The following IFNAR2 variants were observed in gnomAD, a reference collection of about 807,000 sequenced individuals.
IFNAR2 encodes the protein interferon alpha/beta receptor 2.
IFNAR2 carries 30 observed loss-of-function variants against 49.4 expected under a neutral mutation model. The observed-to-expected ratio is 0.61, with a 90% CI of 0.45 to 0.82. IFNAR2 has a LOEUF of 0.82. Ranked by LOEUF, IFNAR2 falls within the 40% of genes least tolerant of loss-of-function variation. The probability of loss-of-function intolerance (pLI) is 0.00; values close to 1 mark genes in which losing one functional copy is unlikely to be tolerated. For synonymous variants in IFNAR2, 224 were observed against 234.5 expected, an observed-to-expected ratio of 0.96 and a Z score of 0.41; for missense variants, 600 against 622.7, an observed-to-expected ratio of 0.96 and a Z score of 0.39.
intron 1 of IFNAR2, among the ~76,000 whole-genome samples, chr21:33,238,457 C>T (rs1014566354): frequency 6.6e-6 from 1 of 152,050 alleles, no homozygotes; most frequent in Admixed American, 6.6e-5. Context: ...TGCCCACAAT[C>T]TATAGGTCTT....
intron 7 of IFNAR2, among the ~76,000 whole-genome samples, chr21:33,257,932 C>T (rs1289529899): frequency 6.6e-6 from 1 of 152,122 alleles, no homozygotes; most frequent in East Asian, 1.9e-4. Flanking sequence ...AATAATGGCC[C>T]CCAAAGATGT....
chr21:33,237,079 G>A (rs13047324), intron 1 of IFNAR2, among the ~76,000 whole-genome samples: 47 of 17,812 alleles, frequency 2.6e-3, no homozygotes, highest in African/African-American at 8.2e-3. Flanking sequence ...GGAGAATGGG[G>A]TGTGTGTGTG....
chr21:33,246,969 C>T, intron 5 of IFNAR2, 79 bp downstream of exon 5: 5 of 1,279,958 alleles, frequency 3.9e-6, no homozygotes, highest in Non-Finnish European at 5.5e-6. Context: ...AATAGGAGGT[C>T]TACAAAGGTG....
chr21:33,230,013 C>T lies in IFNAR2; in HGVS notation c.-287C>T, dbSNP rs1457703152. ...GCTTCTTCCCGGCGGGTAGGAATCC[C>T]GCCGGCGAGCCGAACAGTTCCCCGA... is the stretch of plus-strand genomic sequence containing the variant. On this transcript the variant is annotated 5_prime_UTR_variant, in exon 1 of 9. Coordinates refer to ENST00000342136, the MANE Select transcript of IFNAR2 (RefSeq NM_001289125.3). The surrounding 1 kb of genome is among the most constrained non-coding windows in gnomAD (Gnocchi z 5.5). The T allele has an allele frequency of 7.1e-6, 7 of 984,920 alleles. No individual in the cohort carries two copies. Among genetic ancestry groups the T allele is most frequent in the Non-Finnish European group, 8.4e-6 (7 of 829,758 alleles). 61.0% of individuals were successfully genotyped at this position (984,920 alleles called of 1,614,324 possible).
In IFNAR2 at chr21:33,262,964, A is replaced by G. The variant is rs750265484; in HGVS notation, c.1012A>G (p.Thr338Ala). Residue 338 changes from threonine (T) to alanine (A), a missense_variant, in exon 9 of 9, where the codon ACC (threonine) becomes GCC (alanine). By Grantham distance (58) the Thr-to-Ala change is moderately conservative (BLOSUM62 0). Transcript: ENST00000342136. Reference protein sequence around the residue: ...AAPRTSGGGYTMHGLTVRPLG... With the variant: ...AAPRTSGGGYAMHGLTVRPLG... ...GCCCAGGACAAGTGGCGGTGGCTATACCATGCATGGACTGACTGTCAGGCC... is the reference window on the plus strand; with the variant it reads ...GCCCAGGACAAGTGGCGGTGGCTATGCCATGCATGGACTGACTGTCAGGCC... 5 of 1,614,044 alleles carry G rather than the reference A, an allele frequency of 3.1e-6. No individual in the cohort carries two copies. Among genetic ancestry groups the G allele is most frequent in the Non-Finnish European group, 4.2e-6 (5 of 1,180,032 alleles).
chr21:33,263,298 TATCGTCTC>T lies in IFNAR2; in HGVS notation c.1350_1357del (p.Ser451GlyfsTer5). 2 of 1,614,218 alleles carry T rather than the reference TATCGTCTC, an allele frequency of 1.2e-6. No homozygotes were observed. Among genetic ancestry groups the T allele is most frequent in the Non-Finnish European group, 1.7e-6 (2 of 1,180,036 alleles). On this transcript the variant is annotated frameshift_variant, in exon 9 of 9. Transcript: ENST00000342136. LOFTEE classifies it high-confidence loss of function. ...GACGACTTAGAAGCCCCTCTGATGC[TATCGTCTC>T]ATCTGGAAGAGATGGTTGACCCAGA...
At chr21:33,240,478 A>T (rs1235702793) in intron 1 of IFNAR2, among the ~76,000 whole-genome samples, 1 of 152,228 alleles carries the variant, frequency 6.6e-6, no homozygotes, top group Non-Finnish European at 1.5e-5. Context: ...CACTGTTCAC[A>T]GTTGCAAAGA....
rs1987277966 is a variant in IFNAR2, at chr21:33,244,952, T to C, written c.99T>C (p.Asp33=). The C allele has an allele frequency of 6.2e-7, 1 of 1,613,626 alleles. No homozygotes were observed. Among genetic ancestry groups the C allele is most frequent in the African/African-American group, 1.3e-5 (1 of 74,922 alleles). The change falls in exon 4 of 9, where the codon GAT becomes GAC. Residue 33 remains aspartate, a splice_region_variant and synonymous_variant. Coordinates refer to ENST00000342136, the MANE Select transcript of IFNAR2 (RefSeq NM_001289125.3). ...LVFGISYDSP[D]YTDESCTFKI... ...TGCCCTTTTTCTTCTTCTCTTTAGA[T>C]TACACAGATGAATCTTGCACTTTCA...
intron 1 of IFNAR2, among the ~76,000 whole-genome samples, chr21:33,236,355 G>C (rs1324639672): frequency 6.6e-6 from 1 of 152,186 alleles, no homozygotes; most frequent in Non-Finnish European, 1.5e-5. Flanking sequence ...CTCTGTGGAA[G>C]TCAAGCCTTG....
rs59707670 is a variant in IFNAR2 at position 33,247,254 on chromosome 21, C to CTTTTTT, written c.394+374_394+379dup. ...ATTTTCTTTCTTTCTTTCTTTCTTT[C>CTTTTTT]TTTTTTTTTTTTTTTGAGATGGAGT... On this transcript the variant is annotated intron_variant, in intron 5 of 8. Coordinates refer to ENST00000342136, the MANE Select transcript of IFNAR2 (RefSeq NM_001289125.3). Among the ~76,000 whole-genome samples the CTTTTTT allele has an allele frequency of 9.1e-3, 832 of 91,500 alleles. 47 individuals carry two copies. Among genetic ancestry groups the CTTTTTT allele is most frequent in the African/African-American group, 0.033 (794 of 23,726 alleles). 60.0% of individuals were successfully genotyped at this position (91,500 alleles called of 152,430 possible).
In IFNAR2 at chr21:33,248,798, T is replaced by G; in HGVS notation, c.484T>G (p.Leu162Val). 1 of 1,611,156 alleles carries G rather than the reference T, an allele frequency of 6.2e-7. No homozygotes were observed. Among genetic ancestry groups the G allele is most frequent in the Non-Finnish European group, 8.5e-7 (1 of 1,178,650 alleles). The change falls in exon 6 of 9, where the codon TTA becomes GTA. Residue 162 changes from leucine to valine, a missense_variant. Coordinates refer to ENST00000342136, the MANE Select transcript of IFNAR2 (RefSeq NM_001289125.3). Reference sequence around the variant, plus strand: ...ATTTCCATCTATTGTTGAGGAAGAATTACAGTTTGATTTATCTCTCGTCAT... The same window carrying G: ...ATTTCCATCTATTGTTGAGGAAGAAGTACAGTTTGATTTATCTCTCGTCAT... Reference protein sequence around the residue: ...VKFPSIVEEELQFDLSLVIEE... With the variant: ...VKFPSIVEEEVQFDLSLVIEE...
At chr21:33,237,554 C>T (rs997380115) in intron 1 of IFNAR2, among the ~76,000 whole-genome samples, 2 of 152,064 alleles carry the variant, frequency 1.3e-5, no homozygotes, top group African/African-American at 2.4e-5. Context: ...AGAAGTTGCC[C>T]TTCTACAATC....
chr21:33,240,639 A>G (rs1601793386), intron 1 of IFNAR2, among the ~76,000 whole-genome samples: 2 of 151,982 alleles, frequency 1.3e-5, no homozygotes, highest in African/African-American at 2.4e-5. Context: ...GTGAGACCCT[A>G]TCTCTACAAA....
In IFNAR2 at chr21:33,236,485, A is replaced by G. The variant is rs544849813; in HGVS notation, c.-83-5355A>G. 7.9e-4 allele frequency among the ~76,000 whole-genome samples: 121 copies of G among 152,262 alleles called. 1 individual carries two copies. The highest frequency in any genetic ancestry group is 6.8e-3 in the Middle Eastern group (2 of 294). On this transcript the variant is annotated intron_variant, in intron 1 of 8. Transcript: ENST00000342136. ...TGGGTCAAGAGTGACCCAGAGACTCATCCCTGCCAGACCCAACCTCCAGCC... is the reference window on the plus strand; with the variant it reads ...TGGGTCAAGAGTGACCCAGAGACTCGTCCCTGCCAGACCCAACCTCCAGCC...
chr21:33,240,099 T>C (rs1487861941), intron 1 of IFNAR2, among the ~76,000 whole-genome samples: 3 of 152,210 alleles, frequency 2.0e-5, no homozygotes, highest in African/African-American at 7.2e-5. Flanking sequence ...TGTTGTGAGC[T>C]GCAGATTCTA....
chr21:33,246,151 AGCTCCACCTCCCGGGTTCAC>A (rs1189872365), intron 4 of IFNAR2, among the ~76,000 whole-genome samples: 1 of 151,724 alleles, frequency 6.6e-6, no homozygotes, highest in Admixed American at 6.6e-5. Flanking sequence ...GCTCACTGCA[AGCTCCACCTCCCGGGTTCAC>A]GCCATTCTCC....
In IFNAR2 at chr21:33,263,732, A is replaced by G. The variant is rs2123545505; in HGVS notation, c.*232A>G. ...AAGTGGTGCACTTTGAAGGAAGCAC[A>G]TGTGCACCTTTCCTTTACACTAATG... On this transcript the variant is annotated 3_prime_UTR_variant, in exon 9 of 9. Transcript: ENST00000342136. The G allele has an allele frequency of 3.7e-6, 2 of 541,614 alleles. No individual in the cohort carries two copies. Among genetic ancestry groups the G allele is most frequent in the East Asian group, 3.1e-5 (1 of 32,334 alleles). The allele number at this position is 541,614 out of a possible 1,614,324, so 33.6% of individuals were successfully genotyped here.
chr21:33,254,791 T>G (rs1334398412), intron 7 of IFNAR2, among the ~76,000 whole-genome samples: 1 of 152,198 alleles, frequency 6.6e-6, no homozygotes, highest in Non-Finnish European at 1.5e-5. Flanking sequence ...TGATGCCTTA[T>G]GTCTCCCTAA....
chr21:33,232,134 A>G (rs1986106964), intron 1 of IFNAR2, among the ~76,000 whole-genome samples: 1 of 152,242 alleles, frequency 6.6e-6, no homozygotes, highest in South Asian at 2.1e-4. Context: ...ATGCTATGCC[A>G]TGCCACCAGA....
Sources: allele counts gnomAD v4.1 joint callset (sites outside exome capture counted in the v4.1 genomes callset), GRCh38; gene constraint gnomAD v4.1.1; non-coding constraint Gnocchi (gnomAD v3.1); transcripts MANE v1.5; gene names NCBI Gene and HGNC (gene_info 2026-07-23, HGNC 2026-07-21).